Variants in TSC22D1 observed in about 807,000 individuals in gnomAD.
TSC22D1 encodes TSC22 domain family protein 1.
TSC22D1 carries 9 observed loss-of-function variants against 74.2 expected under a neutral mutation model. That is an observed-to-expected ratio of 0.12 (90% confidence interval 0.07 to 0.21). TSC22D1 has a LOEUF of 0.21. Ranked by LOEUF, TSC22D1 falls within the 10% of genes least tolerant of loss-of-function variation. The probability of loss-of-function intolerance (pLI) is 1.00; values close to 1 mark genes in which losing one functional copy is unlikely to be tolerated. For synonymous variants in TSC22D1, 586 were observed against 492.5 expected (o/e 1.19, Z -2.51); for missense variants, 1,427 against 1,304.7 (o/e 1.09, Z -1.44).
chr13:44,446,378 T>C (rs538411479), intron 1 of TSC22D1, among the ~76,000 whole-genome samples: 23 of 152,030 alleles, frequency 1.5e-4, no homozygotes, highest in African/African-American at 5.1e-4. Context: ...GGGGAGATTG[T>C]TATGGGTGAT....
In TSC22D1 at chr13:44,574,391, G is replaced by T; in HGVS notation, c.1684C>A (p.Leu562Ile). 2.5e-6 allele frequency: 4 copies of T among 1,614,258 alleles called. No individual in the cohort carries two copies. The highest frequency in any genetic ancestry group is 2.5e-6 in the Non-Finnish European group (3 of 1,180,052). ...QELSYQQKQG[L>I]QPVPLQATMS... ...GTGGCTTGCAGAGGTACTGGCTGAA[G>T]ACCTTGCTTTTGCTGATAGCTCAGT... Residue 562 changes from leucine (L) to isoleucine (I), a missense_variant, in exon 1 of 3, where the codon CTT (leucine) becomes ATT (isoleucine). Physicochemically the swap from Leu to Ile is conservative, Grantham distance 5. Coordinates refer to ENST00000458659, the MANE Select transcript of TSC22D1 (RefSeq NM_183422.4).
At position 44,457,928 on chromosome 13, in the gene TSC22D1, T is replaced by C. The variant is rs538666827; in HGVS notation, c.2913-21833A>G. Among the ~76,000 whole-genome samples the C allele has an allele frequency of 4.6e-5, 7 of 152,364 alleles. No homozygotes were observed. In the South Asian group the frequency reaches 1.4e-3, roughly 32 times the overall value. ...TTTCAATTCTGATGAAATAGTTATC[T>C]ATTACACATACATCAGATCTGTCAA... On this transcript the variant is annotated intron_variant, in intron 1 of 2. Coordinates refer to ENST00000458659, the MANE Select transcript of TSC22D1 (RefSeq NM_183422.4).
intron 1 of TSC22D1, chr13:44,536,909 C>T: frequency 1.0e-5 from 1 of 95,896 alleles, no homozygotes; most frequent in Non-Finnish European, 1.5e-5. Context: ...CTTAACAGTT[C>T]AAAAAAGTAT....
intron 1 of TSC22D1, among the ~76,000 whole-genome samples, chr13:44,560,386 G>A (rs1331677728): frequency 6.6e-6 from 1 of 152,128 alleles, no homozygotes; most frequent in Non-Finnish European, 1.5e-5. Context: ...TGCAGACTTA[G>A]TACCTAATAT....
intron 1 of TSC22D1, among the ~76,000 whole-genome samples, chr13:44,525,190 T>C (rs1177539434): frequency 6.6e-6 from 1 of 152,152 alleles, no homozygotes; most frequent in Non-Finnish European, 1.5e-5. Context: ...CTGAGCCTAA[T>C]CACAGGACTA....
Position 44,449,475 on chromosome 13 carries a change from G to A in TSC22D1, c.2913-13380C>T, listed in dbSNP as rs1302913041. On this transcript the variant is annotated intron_variant, in intron 1 of 2. Coordinates refer to ENST00000458659, the MANE Select transcript of TSC22D1 (RefSeq NM_183422.4). ...TGCTCACTTGTAAAGAAGGCAGGCA[G>A]GCTGCGTCCCCAAGGCTTGTGGCCA... 2.6e-5 allele frequency among the ~76,000 whole-genome samples: 4 copies of A among 152,346 alleles called. No homozygotes were observed. The East Asian group carries it at 7.7e-4, about 29-fold the overall frequency.
At chr13:44,550,232 G>A (rs1882141511) in intron 1 of TSC22D1, among the ~76,000 whole-genome samples, 2 of 152,146 alleles carry the variant, frequency 1.3e-5, no homozygotes, top group South Asian at 4.1e-4. Flanking sequence ...CTTAGTTTAT[G>A]TCTTTGAAAG....
At chr13:44,458,762 C>T (rs558836804) in intron 1 of TSC22D1, among the ~76,000 whole-genome samples, 3 of 152,272 alleles carry the variant, frequency 2.0e-5, no homozygotes, top group South Asian at 2.1e-4. Flanking sequence ...GGGCGCTGTC[C>T]GACCAGGTGT....
chr13:44,532,987 G>A (rs994197571), intron 1 of TSC22D1, among the ~76,000 whole-genome samples: 4 of 152,172 alleles, frequency 2.6e-5, no homozygotes, highest in Non-Finnish European at 5.9e-5. Context: ...ACATCTGGTA[G>A]TGAAGAGACT....
chr13:44,475,465 C>CAAA (rs11359696), intron 1 of TSC22D1, among the ~76,000 whole-genome samples: 4 of 132,162 alleles, frequency 3.0e-5, no homozygotes, highest in Admixed American at 7.8e-5. Context: ...CAAACAAAAG[C>CAAA]AAAAAAAAAA....
At chr13:44,555,469 C>A (rs899359392) in intron 1 of TSC22D1, among the ~76,000 whole-genome samples, 1 of 151,952 alleles carries the variant, frequency 6.6e-6, no homozygotes, top group Non-Finnish European at 1.5e-5. Context: ...AGCTGGGTGT[C>A]GTGGCGCGAG....
intron 1 of TSC22D1, among the ~76,000 whole-genome samples, chr13:44,550,080 G>C (rs1882128797): frequency 6.6e-6 from 1 of 151,988 alleles, no homozygotes; most frequent in South Asian, 2.1e-4. Context: ...TTGCCAAAAA[G>C]AAAATGAAAA....
chr13:44,498,457 C>T (rs957807601), intron 1 of TSC22D1, among the ~76,000 whole-genome samples: 31 of 150,958 alleles, frequency 2.1e-4, no homozygotes, highest in African/African-American at 6.8e-4. Flanking sequence ...TCTCTATTTT[C>T]ACAGCATACC....
chr13:44,436,243 G>T, intron 1 of TSC22D1, 148 bp from the exon 2 acceptor site: 1 of 1,002,200 alleles, frequency 1.0e-6, no homozygotes, highest in Non-Finnish European at 1.5e-6. Flanking sequence ...TCCAGAAAAT[G>T]CCAGCCCCTC....
intron 1 of TSC22D1, among the ~76,000 whole-genome samples, chr13:44,489,601 G>A (rs1253654748): frequency 6.6e-6 from 1 of 151,840 alleles, no homozygotes; most frequent in Non-Finnish European, 1.5e-5. Flanking sequence ...CGAGGTGGGA[G>A]GATTGTTTCA....
intron 1 of TSC22D1, among the ~76,000 whole-genome samples, chr13:44,520,006 C>T (rs143956840): frequency 6.6e-6 from 1 of 152,136 alleles, no homozygotes; most frequent in African/African-American, 2.4e-5. Context: ...GATTTGAAGG[C>T]GAAGATCATA....
At chr13:44,479,849 A>C (rs1878096607) in intron 1 of TSC22D1, among the ~76,000 whole-genome samples, 1 of 152,226 alleles carries the variant, frequency 6.6e-6, no homozygotes. Context: ...AGTTGTTACT[A>C]TTCAGAATCT....
chr13:44,562,586 A>G (rs1207198180), intron 1 of TSC22D1, among the ~76,000 whole-genome samples: 7 of 152,204 alleles, frequency 4.6e-5, no homozygotes, highest in African/African-American at 1.7e-4. Flanking sequence ...AGGAGTCCCC[A>G]GTAGACAGGA....
chr13:44,576,834 CGCGGCG>C (rs1014037363), upstream of TSC22D1, among the ~76,000 whole-genome samples: 1 of 151,472 alleles, frequency 6.6e-6, no homozygotes, highest in Non-Finnish European at 1.5e-5. Context: ...ACGGCCGGGG[CGCGGCG>C]GCGGCGGTGG....
Sources: gnomAD v4.1 joint callset for allele counts (sites outside exome capture counted in the v4.1 genomes callset) on GRCh38, gnomAD v4.1.1 for gene constraint, MANE v1.5 for transcripts, NCBI Gene and HGNC (gene_info 2026-07-23, HGNC 2026-07-21) for gene names.